Variants in AFF3 observed in about 807,000 individuals in gnomAD.
The protein encoded by AFF3 is AF4/FMR2 family member 3.
In AFF3, 32 loss-of-function variants were observed where a neutral mutation model predicts 129.7. That is an observed-to-expected ratio of 0.25 (90% CI 0.19 to 0.33). AFF3 has a LOEUF of 0.33. Among genes scored for constraint, AFF3 ranks in the 10% least tolerant of loss-of-function variants. The pLI is 1.00. For synonymous variants in AFF3, 644 were observed against 635.4 expected (o/e 1.01, Z -0.20); for missense variants, 1,373 against 1,592.0 (o/e 0.86, Z 2.34).
In AFF3 at chr2:99,635,095, CTA is replaced by C. The variant is rs545523324; in HGVS notation, c.1184+14529_1184+14530del. 7.2e-3 allele frequency among the ~76,000 whole-genome samples: 1,085 copies of C among 150,618 alleles called. 11 individuals are homozygous for C. The highest frequency in any genetic ancestry group is 0.017 in the Admixed American group (249 of 14,996). On this transcript the variant is annotated intron_variant, in intron 13 of 24. Coordinates refer to ENST00000672756, the MANE Select transcript of AFF3 (RefSeq NM_001386135.1). Reference sequence around the variant, plus strand: ...ATGAATATGATATATACACATATCTCTATGTATATGATATATACACATATCTC... The same window carrying C: ...ATGAATATGATATATACACATATCTCTGTATATGATATATACACATATCTC...
chr2:99,883,140 A>G (rs1215833561), intron 7 of AFF3, among the ~76,000 whole-genome samples: 1 of 152,202 alleles, frequency 6.6e-6, no homozygotes, highest in Non-Finnish European at 1.5e-5. Flanking sequence ...ACAACATGCA[A>G]CCCAGGGAAG....
At chr2:99,786,119 ATCTTGCACAAT>A (rs1194762566) in intron 8 of AFF3, among the ~76,000 whole-genome samples, 1 of 152,214 alleles carries the variant, frequency 6.6e-6, no homozygotes, top group East Asian at 1.9e-4. Flanking sequence ...GGACTCTCAA[ATCTTGCACAAT>A]TACGGGTGCT....
intron 7 of AFF3, among the ~76,000 whole-genome samples, chr2:99,986,386 C>T (rs1679880478): frequency 1.3e-5 from 2 of 151,972 alleles, no homozygotes; most frequent in Admixed American, 1.3e-4. Context: ...ATAGCAGTGT[C>T]CTTATTAGCC....
intron 9 of AFF3, among the ~76,000 whole-genome samples, chr2:99,748,004 C>T (rs1158868880): frequency 6.6e-6 from 1 of 152,022 alleles, no homozygotes; most frequent in Non-Finnish European, 1.5e-5. Context: ...CATTTTAGGT[C>T]CTCTTATCAG....
intron 4 of AFF3, among the ~76,000 whole-genome samples, chr2:100,092,742 C>G (rs1360972582): frequency 6.6e-6 from 1 of 151,966 alleles, no homozygotes; most frequent in Non-Finnish European, 1.5e-5. Flanking sequence ...TACCCCGCTC[C>G]CAGCCTGGCT....
intron 13 of AFF3, among the ~76,000 whole-genome samples, chr2:99,633,001 G>C (rs933367905): frequency 1.3e-5 from 2 of 152,136 alleles, no homozygotes; most frequent in African/African-American, 4.8e-5. Flanking sequence ...AAGGCCAATG[G>C]CGAATCATGT....
At chr2:99,754,935 G>A (rs927982499) in intron 8 of AFF3, among the ~76,000 whole-genome samples, 6 of 152,158 alleles carry the variant, frequency 3.9e-5, no homozygotes, top group African/African-American at 1.2e-4. Context: ...ATCGGCTCTG[G>A]CTGTGTCTAT....
At chr2:100,049,792 C>T (rs1445380639) in intron 4 of AFF3, among the ~76,000 whole-genome samples, 1 of 152,082 alleles carries the variant, frequency 6.6e-6, no homozygotes, top group Non-Finnish European at 1.5e-5. Context: ...ATAAATAATC[C>T]AATGGGCAGA....
intron 4 of AFF3, among the ~76,000 whole-genome samples, chr2:100,017,201 C>T (rs944488827): frequency 6.6e-6 from 1 of 152,040 alleles, no homozygotes; most frequent in Non-Finnish European, 1.5e-5. Flanking sequence ...GCTCACTTAT[C>T]CTGGATTTTC....
chr2:99,563,696 G>C (rs1675697284), intron 20 of AFF3, among the ~76,000 whole-genome samples: 1 of 150,794 alleles, frequency 6.6e-6, no homozygotes, highest in African/African-American at 2.4e-5. Flanking sequence ...TGTAATCCGA[G>C]CTACTGGGGA....
chr2:100,141,601 A>G (rs181416798), intron 1 of AFF3, among the ~76,000 whole-genome samples: 106 of 152,330 alleles, frequency 7.0e-4, no homozygotes, highest in Non-Finnish European at 1.0e-4. Flanking sequence ...AGCTACCTGA[A>G]TGATCCCCTC....
intron 7 of AFF3, among the ~76,000 whole-genome samples, chr2:99,976,699 C>T (rs1346480047): frequency 6.6e-6 from 1 of 152,072 alleles, no homozygotes; most frequent in East Asian, 1.9e-4. Context: ...ATTAATTCTG[C>T]AGTAATGAAA....
At chr2:99,974,215 A>G (rs1466090186) in intron 7 of AFF3, among the ~76,000 whole-genome samples, 1 of 152,128 alleles carries the variant, frequency 6.6e-6, no homozygotes, top group Non-Finnish European at 1.5e-5. Context: ...ATTTTTTTTA[A>G]TTAAGTGAAT....
At chr2:99,911,437 A>G (rs898924844) in intron 7 of AFF3, among the ~76,000 whole-genome samples, 1 of 151,962 alleles carries the variant, frequency 6.6e-6, no homozygotes, top group African/African-American at 2.4e-5. Context: ...GCTGAGGGAC[A>G]GGCAGTGCAA....
chr2:99,907,420 AG>A (rs1251183547), intron 7 of AFF3, among the ~76,000 whole-genome samples: 1 of 152,170 alleles, frequency 6.6e-6, no homozygotes, highest in Non-Finnish European at 1.5e-5. Flanking sequence ...CTTAGACACC[AG>A]TTTAGAAAAG....
intron 18 of AFF3, 152 bp downstream of exon 18, chr2:99,578,175 T>G: frequency 8.4e-7 from 1 of 1,185,810 alleles, no homozygotes. Context: ...TCCAATTCCA[T>G]TCAAGAGGGA....
intron 15 of AFF3, among the ~76,000 whole-genome samples, chr2:99,589,690 C>A (rs1054641021): frequency 6.6e-6 from 1 of 152,066 alleles, no homozygotes; most frequent in Admixed American, 6.6e-5. Flanking sequence ...TAAGCCACCA[C>A]GGCCGGCCCA....
intron 7 of AFF3, among the ~76,000 whole-genome samples, chr2:99,943,462 G>A (rs969483267): frequency 5.9e-5 from 9 of 152,098 alleles, no homozygotes; most frequent in Admixed American, 6.6e-5. Flanking sequence ...AAGACTTCAG[G>A]GGTGATACAT....
At chr2:99,961,800 GCAACAGAAGGCAGT>G (rs1677237875) in intron 7 of AFF3, among the ~76,000 whole-genome samples, 1 of 151,984 alleles carries the variant, frequency 6.6e-6, no homozygotes, top group Non-Finnish European at 1.5e-5. Flanking sequence ...CCTATATACA[GCAACAGAAGGCAGT>G]CCCGGTAAGT....
Sources: gnomAD v4.1 joint callset for allele counts (sites outside exome capture counted in the v4.1 genomes callset) on GRCh38, gnomAD v4.1.1 for gene constraint, MANE v1.5 for transcripts, NCBI Gene and HGNC (gene_info 2026-07-23, HGNC 2026-07-21) for gene names.